Variants in IL3RA observed in about 807,000 individuals in gnomAD.
IL3RA encodes interleukin 3 receptor subunit alpha, also known as interleukin-3 receptor subunit alpha.
A neutral mutation model predicts 52.3 loss-of-function variants in IL3RA; 73 were observed. The ratio of observed to expected loss-of-function variants is 1.40; its 90% CI spans 1.16 to 1.70. The LOEUF (loss-of-function observed/expected upper bound fraction) is 1.70, where lower values mean the gene tolerates loss of function less well. IL3RA is among the 40% of genes most tolerant of loss of function. The probability of loss-of-function intolerance (pLI) is 0.00; values close to 1 mark genes in which losing one functional copy is unlikely to be tolerated. For missense variants in IL3RA, 664 were observed against 504.4 expected (o/e 1.32, Z -3.03); for synonymous variants, 260 against 194.0 (o/e 1.34, Z -2.83).
rs181479083 is a variant in IL3RA at position 1,342,780 on chromosome X, C to T, written c.64+951C>T. ...TTCACCGTGTTAGACAGGATGGTCTCGATCTCCTGACCTCATGATCCGCCT... is the reference window on the plus strand; with the variant it reads ...TTCACCGTGTTAGACAGGATGGTCTTGATCTCCTGACCTCATGATCCGCCT... On this transcript the variant is annotated intron_variant, in intron 2 of 11. Coordinates refer to ENST00000331035, the MANE Select transcript of IL3RA (RefSeq NM_002183.4). Among the ~76,000 whole-genome samples the T allele has an allele frequency of 4.1e-3, 602 of 147,866 alleles. 6 individuals carry two copies. The highest frequency in any genetic ancestry group is 3.8e-3 in the Non-Finnish European group (257 of 67,084).
chrX:1,355,347 G>T, intron 6 of IL3RA, among the ~76,000 whole-genome samples: 1 of 134,458 alleles, frequency 7.4e-6, no homozygotes, highest in East Asian at 2.4e-4. Flanking sequence ...GAGGAGGAGG[G>T]TGACAAGGAG....
intron 7 of IL3RA, among the ~76,000 whole-genome samples, chrX:1,357,558 T>TGAAC (rs2086833248): frequency 6.6e-6 from 1 of 150,504 alleles, no homozygotes; most frequent in African/African-American, 2.4e-5. Flanking sequence ...GAGATGGGGT[T>TGAAC]TCACCATCTT....
rs1436697430 is a variant in IL3RA, at chrX:1,356,201, A to G, written c.617-20A>G. On this transcript the variant is annotated intron_variant, in intron 6 of 11. Coordinates refer to ENST00000331035, the MANE Select transcript of IL3RA (RefSeq NM_002183.4). ...ATTTCTTGTACTCCTAAATCCTAAAAGTGTTTTTCTCGTTGCTAGAGATAT... is the reference window on the plus strand; with the variant it reads ...ATTTCTTGTACTCCTAAATCCTAAAGGTGTTTTTCTCGTTGCTAGAGATAT... The G allele has an allele frequency of 1.1e-5, 16 of 1,417,746 alleles. No homozygotes were observed. Among genetic ancestry groups the G allele is most frequent in the Non-Finnish European group, 1.6e-5 (16 of 1,013,238 alleles). 87.8% of individuals were successfully genotyped at this position (1,417,746 alleles called of 1,614,324 possible). A position where few individuals can be genotyped will look rare whatever the true frequency, so the allele number is the denominator to read the frequency against.
At chrX:1,349,582 G>C (rs2085987563) in intron 4 of IL3RA, among the ~76,000 whole-genome samples, 1 of 152,106 alleles carries the variant, frequency 6.6e-6, no homozygotes, top group Non-Finnish European at 1.5e-5. Flanking sequence ...AAAGTGCAGG[G>C]ATTGTAAGCA....
In IL3RA at chrX:1,348,630, TTTC is replaced by T. The variant is rs1459887791; in HGVS notation, c.298+88_298+90del. ...TCCCTCTCGCCTTCGCTGTGTCTTTTTTCTTTTCTTTTTCTCTTTCTTTCTTTC... is the reference window on the plus strand; with the variant it reads ...TCCCTCTCGCCTTCGCTGTGTCTTTTTTTTCTTTTTCTCTTTCTTTCTTTC... On this transcript the variant is annotated intron_variant, in intron 4 of 11. Coordinates refer to ENST00000331035, the MANE Select transcript of IL3RA (RefSeq NM_002183.4). 1,326 of 812,484 alleles carry T rather than the reference TTTC, an allele frequency of 1.6e-3. 27 individuals are homozygous for T. The highest frequency in any genetic ancestry group is 3.9e-3 in the South Asian group (237 of 61,070). 50.3% of individuals were successfully genotyped at this position (812,484 alleles called of 1,614,324 possible).
chrX:1,377,460 C>G (rs1430357424), intron 9 of IL3RA, among the ~76,000 whole-genome samples: 1 of 151,992 alleles, frequency 6.6e-6, no homozygotes, highest in Non-Finnish European at 1.5e-5. Flanking sequence ...CCAGGCTGGT[C>G]TCATACTCCC....
intron 9 of IL3RA, among the ~76,000 whole-genome samples, chrX:1,365,521 G>C (rs865901583): frequency 4.1e-4 from 16 of 38,918 alleles, no homozygotes; most frequent in African/African-American, 7.6e-4. Flanking sequence ...GGGGTGCGCG[G>C]GGTGAGCGGG....
intron 1 of IL3RA, among the ~76,000 whole-genome samples, chrX:1,339,663 A>G (rs1388436939): frequency 1.3e-5 from 2 of 151,998 alleles, no homozygotes; most frequent in African/African-American, 2.4e-5. Context: ...GTGGTGGCGG[A>G]CACCGGTAAT....
At chrX:1,352,682 T>G (rs1215740021) in intron 6 of IL3RA, among the ~76,000 whole-genome samples, 176 bp downstream of exon 6, 1 of 152,192 alleles carries the variant, frequency 6.6e-6, no homozygotes, top group Non-Finnish European at 1.5e-5. Flanking sequence ...GGGAGGTCTC[T>G]TCCTGGCTTG....
intron 1 of IL3RA, among the ~76,000 whole-genome samples, chrX:1,338,923 C>T (rs2085392365): frequency 6.6e-6 from 1 of 152,152 alleles, no homozygotes; most frequent in East Asian, 1.9e-4. Context: ...CCTCAGCCTC[C>T]TGAGTAGCTG....
chrX:1,361,619 GGCA>G lies in IL3RA; in HGVS notation c.759+2734_759+2736del, dbSNP rs770966412. 2.5e-3 allele frequency among the ~76,000 whole-genome samples: 373 copies of G among 152,104 alleles called. No individual in the cohort carries two copies. In the East Asian group the frequency reaches 0.027, roughly 11 times the overall value. On this transcript the variant is annotated intron_variant, in intron 8 of 11. Coordinates refer to ENST00000331035, the MANE Select transcript of IL3RA (RefSeq NM_002183.4). ...AAAAAAATTACCCAGACGTGGTGGT[GGCA>G]GGCGCCTGTGGTCCCAGCTACTCGG...
chrX:1,378,078 C>A (rs1282804117), intron 9 of IL3RA, among the ~76,000 whole-genome samples: 2 of 145,982 alleles, frequency 1.4e-5, no homozygotes, highest in African/African-American at 5.0e-5. Context: ...CCCAGCTACT[C>A]GGGAGGCAGG....
At chrX:1,376,805 A>T (rs2088774288) in intron 9 of IL3RA, among the ~76,000 whole-genome samples, 1 of 60,150 alleles carries the variant, frequency 1.7e-5, no homozygotes, top group Non-Finnish European at 2.9e-5. Flanking sequence ...CCTGAAACGG[A>T]CTAAGACATC....
At chrX:1,377,026 G>C (rs1254108374) in intron 9 of IL3RA, among the ~76,000 whole-genome samples, 1 of 149,160 alleles carries the variant, frequency 6.7e-6, no homozygotes, top group Non-Finnish European at 1.5e-5. Context: ...TGTGACAGCA[G>C]CCTGAGATGG....
chrX:1,349,604 G>A (rs1357037760), intron 4 of IL3RA, among the ~76,000 whole-genome samples: 32 of 152,182 alleles, frequency 2.1e-4, no homozygotes, highest in Middle Eastern at 6.8e-3. Flanking sequence ...CAGCCACCAC[G>A]CCTGGCCTCT....
At chrX:1,348,059 A>G (rs189829347) in intron 3 of IL3RA, among the ~76,000 whole-genome samples, 2 of 144,236 alleles carry the variant, frequency 1.4e-5, no homozygotes, top group East Asian at 4.1e-4. Flanking sequence ...AACAGAAAAA[A>G]GTCTTGGCCG....
At chrX:1,377,077 AC>A (rs2088806667) in intron 9 of IL3RA, among the ~76,000 whole-genome samples, 1 of 140,146 alleles carries the variant, frequency 7.1e-6, no homozygotes, top group Admixed American at 7.3e-5. Flanking sequence ...GGACACAGAC[AC>A]ACACCAAGGG....
rs1355205373 is a variant in IL3RA, at chrX:1,348,644, C to CTTTCTT, written c.298+100_298+101insTTCTTT. On this transcript the variant is annotated intron_variant, in intron 4 of 11. Transcript: ENST00000331035. ...GCTGTGTCTTTTTTCTTTTCTTTTT[C>CTTTCTT]TCTTTCTTTCTTTCTTTCTTTCTTT... 786 of 496,892 alleles carry CTTTCTT rather than the reference C, an allele frequency of 1.6e-3. 8 individuals carry two copies. Among genetic ancestry groups the CTTTCTT allele is most frequent in the South Asian group, 4.9e-3 (166 of 34,152 alleles). The allele number at this position is 496,892 out of a possible 1,614,324, so 30.8% of individuals were successfully genotyped here. A position where few individuals can be genotyped will look rare whatever the true frequency, so the allele number is the denominator to read the frequency against.
chrX:1,339,277 G>A (rs2085402525), intron 1 of IL3RA, among the ~76,000 whole-genome samples: 3 of 152,302 alleles, frequency 2.0e-5, no homozygotes, highest in South Asian at 4.1e-4. Context: ...GGCTCTGTCC[G>A]AAAGGAGACT....
Sources: allele counts gnomAD v4.1 joint callset (sites outside exome capture counted in the v4.1 genomes callset), GRCh38; gene constraint gnomAD v4.1.1; transcripts MANE v1.5; gene names NCBI Gene and HGNC (gene_info 2026-07-23, HGNC 2026-07-21).